The following NYX variants were observed in gnomAD, a reference collection of about 807,000 sequenced individuals.
NYX encodes nyctalopin, also known as leucine-rich repeat protein.
For missense variants in NYX, 481 were observed against 485.4 expected, an observed-to-expected ratio of 0.99 and a Z score of 0.09; for synonymous variants, 258 against 245.7, an observed-to-expected ratio of 1.05 and a Z score of -0.47.
chrX:41,452,131 C>T (rs1374801036), intron 2 of NYX, among the ~76,000 whole-genome samples: 1 of 110,257 alleles, frequency 9.1e-6, no homozygotes, highest in Non-Finnish European at 1.9e-5. Context: ...ACCACCATGC[C>T]TGGCTAATTT....
At chrX:41,455,521 C>T (rs1010084603) in intron 2 of NYX, among the ~76,000 whole-genome samples, 5 of 109,713 alleles carry the variant, frequency 4.6e-5, no homozygotes, top group African/African-American at 1.7e-4. Context: ...ATTTTAAGAC[C>T]GAATGTTCTG....
Position 41,453,459 on chromosome X carries a change from CTT to C in NYX, c.22+5546_22+5547del, listed in dbSNP as rs765178661. On this transcript the variant is annotated intron_variant, in intron 2 of 2. Transcript: ENST00000378220. ...ACTATCTTATTTTCTTCTTCTTCTT[CTT>C]TTTTTTTTTTTTGAGATAGAGTCTT... Among the ~76,000 whole-genome samples, 930 of 102,004 alleles carry C rather than the reference CTT, an allele frequency of 9.1e-3. 7 individuals carry two copies. The highest frequency in any genetic ancestry group is 0.032 in the African/African-American group (897 of 28,225). 88.6% of individuals were successfully genotyped at this position (102,004 alleles called of 115,157 possible). A position where few individuals can be genotyped will look rare whatever the true frequency, so the allele number is the denominator to read the frequency against.
chrX:41,472,759 G>A, intron 2 of NYX: 3 of 284,770 alleles, frequency 1.1e-5, no homozygotes, highest in Non-Finnish European at 1.9e-5. Flanking sequence ...TTCCGCCTGC[G>A]CCACCGCCAC....
At chrX:41,472,601 G>C in intron 2 of NYX, 1 of 487,118 alleles carries the variant, frequency 2.1e-6, no homozygotes, top group Admixed American at 3.0e-5. Context: ...GAGACCATCA[G>C]GGCCTCGGGG....
chrX:41,474,036 G>T lies in NYX; in HGVS notation c.568G>T (p.Glu190Ter). 9.5e-7 allele frequency: 1 copy of T among 1,052,861 alleles called. No individual in the cohort carries two copies. The highest frequency in any genetic ancestry group is 1.2e-6 in the Non-Finnish European group (1 of 825,964). The allele number at this position is 1,052,861 out of a possible 1,213,427, so 86.8% of individuals were successfully genotyped here. ...CGCGCACCTGGAGCGCGGCCGCATC[G>T]AGGCGGTGGCCTCCAGCTCGCTGCA... The part of the protein sequence containing the change: ...THAHLERGRI[E>*]AVASSSLQGL... Residue 190 changes from glutamate to a stop codon, truncating the protein, a stop_gained, in exon 3 of 3, where the codon GAG (glutamate) becomes TAG (stop). Coordinates refer to ENST00000378220, the MANE Select transcript of NYX (RefSeq NM_001378477.3). LOFTEE classifies it low-confidence loss of function (END_TRUNC).
At chrX:41,469,242 C>T (rs778242981) in intron 2 of NYX, among the ~76,000 whole-genome samples, 1 of 111,470 alleles carries the variant, frequency 9.0e-6, no homozygotes, top group African/African-American at 3.3e-5. Context: ...GCCACATCTT[C>T]AGGTTCCTGC....
chrX:41,455,789 A>G (rs142464899), intron 2 of NYX, among the ~76,000 whole-genome samples: 2 of 111,602 alleles, frequency 1.8e-5, no homozygotes, highest in East Asian at 5.6e-4. Context: ...TTTATTTTTA[A>G]TGTGGTAAAT....
At chrX:41,472,738 C>T (rs2064366914) in intron 2 of NYX, 1 of 300,535 alleles carries the variant, frequency 3.3e-6, no homozygotes, top group Non-Finnish European at 5.8e-6. Flanking sequence ...CCCCGAGCCG[C>T]GGAGCCTGGG....
At chrX:41,447,688 CTGT>C in intron 1 of NYX, 158 bp from the exon 2 acceptor site, 1 of 458,711 alleles carries the variant, frequency 2.2e-6, no homozygotes, top group South Asian at 3.2e-5. Flanking sequence ...TTCTGATTTT[CTGT>C]TGTTACTGGT....
intron 2 of NYX, among the ~76,000 whole-genome samples, chrX:41,456,324 G>A (rs760081360): frequency 4.9e-4 from 55 of 111,673 alleles, no homozygotes; most frequent in African/African-American, 1.8e-3. Context: ...TCAGGAAAAG[G>A]AGGAGAGGCC....
In NYX at chrX:41,466,561, A is replaced by ATT. The variant is rs60913904; in HGVS notation, c.23-6916_23-6915dup. Among the ~76,000 whole-genome samples the ATT allele has an allele frequency of 5.1e-3, 505 of 98,376 alleles. 1 individual carries two copies. Among genetic ancestry groups the ATT allele is most frequent in the African/African-American group, 0.012 (329 of 27,134 alleles). The allele number at this position is 98,376 out of a possible 115,157, so 85.4% of individuals were successfully genotyped here. A position where few individuals can be genotyped will look rare whatever the true frequency, so the allele number is the denominator to read the frequency against. On this transcript the variant is annotated intron_variant, in intron 2 of 2. Coordinates refer to ENST00000378220, the MANE Select transcript of NYX (RefSeq NM_001378477.3). ...GGTTGTTCCCTGGTGCTTTAAAACA[A>ATT]TTTTTTTTTTTTTTTGAGACAGAGT...
chrX:41,467,228 G>T (rs1328957435), intron 2 of NYX, among the ~76,000 whole-genome samples: 1 of 111,027 alleles, frequency 9.0e-6, no homozygotes, highest in Admixed American at 9.7e-5. Flanking sequence ...ATTATTAAAA[G>T]AATTTTTTTT....
intron 2 of NYX, among the ~76,000 whole-genome samples, chrX:41,450,831 T>TATATATATATATATATAA (rs2064277024): frequency 6.2e-5 from 1 of 16,215 alleles, no homozygotes; most frequent in African/African-American, 2.8e-4. Context: ...TATATATATT[T>TATATATATATATATATAA]TTTTTTTTTT....
At chrX:41,472,373 G>A (rs2064364601) in intron 2 of NYX, 1 of 1,158,202 alleles carries the variant, frequency 8.6e-7, no homozygotes, top group African/African-American at 1.8e-5. Context: ...CATGTCGGTG[G>A]CTCCAAAGTG....
intron 2 of NYX, among the ~76,000 whole-genome samples, chrX:41,460,876 ATTTTTTTTTTTTTTTTT>A (rs59383905): frequency 2.0e-4 from 5 of 24,778 alleles, no homozygotes; most frequent in Non-Finnish European, 3.4e-4. Flanking sequence ...CACAGTATGT[ATTTTTTTTTTTTTTTTT>A]TTTTTTTTTT....
chrX:41,471,841 T>G (rs1251866628), intron 2 of NYX, among the ~76,000 whole-genome samples: 2 of 108,647 alleles, frequency 1.8e-5, no homozygotes, highest in Non-Finnish European at 3.8e-5. Flanking sequence ...GTATTTTTTT[T>G]TTTTTTTCCC....
chrX:41,449,809 A>AT (rs2064272345), intron 2 of NYX, among the ~76,000 whole-genome samples: 1 of 111,727 alleles, frequency 9.0e-6, no homozygotes, highest in African/African-American at 3.3e-5. Flanking sequence ...TTTGCTAACA[A>AT]TAGATGCACT....
At chrX:41,457,254 C>T (rs1266143864) in intron 2 of NYX, among the ~76,000 whole-genome samples, 10 of 96,484 alleles carry the variant, frequency 1.0e-4, no homozygotes, top group Admixed American at 1.3e-4. Context: ...TGCAGTGAGC[C>T]GAGATCGTGT....
At chrX:41,459,405 G>A (rs2064310096) in intron 2 of NYX, among the ~76,000 whole-genome samples, 1 of 110,303 alleles carries the variant, frequency 9.1e-6, no homozygotes, top group Non-Finnish European at 1.9e-5. Flanking sequence ...GATCTCCTGA[G>A]GTCAGGAGTT....
Sources: allele counts gnomAD v4.1 joint callset (sites outside exome capture counted in the v4.1 genomes callset), GRCh38; gene constraint gnomAD v4.1.1; transcripts MANE v1.5; gene names NCBI Gene and HGNC (gene_info 2026-07-23, HGNC 2026-07-21).